BUB1B: variants seen among roughly 807,000 people sequenced by gnomAD.
BUB1B encodes the protein BUB1 mitotic checkpoint serine/threonine kinase B.
In BUB1B, 86 loss-of-function variants were observed where a neutral mutation model predicts 137.7. That is an observed-to-expected ratio of 0.62 (90% CI 0.52 to 0.75). BUB1B has a LOEUF of 0.75. BUB1B is among the 30% of genes least tolerant of loss of function. The pLI is 0.00. For missense variants in BUB1B, 1,130 were observed against 1,236.9 expected, an observed-to-expected ratio of 0.91 and a Z score of 1.30; for synonymous variants, 420 against 417.9, an observed-to-expected ratio of 1.00 and a Z score of -0.06.
At chr15:40,206,036 A>C in intron 14 of BUB1B, 148 bp from the exon 15 acceptor site, 1 of 751,836 alleles carries the variant, frequency 1.3e-6, no homozygotes, top group Admixed American at 2.6e-5. Context: ...TACTGTGTTC[A>C]TGATATAAAA....
At chr15:40,175,232 T>A (rs2037211475) in intron 4 of BUB1B, among the ~76,000 whole-genome samples, 1 of 152,164 alleles carries the variant, frequency 6.6e-6, no homozygotes, top group Non-Finnish European at 1.5e-5. Flanking sequence ...AAATTAGAAG[T>A]TGTTTAAATA....
At position 40,207,887 on chromosome 15, in the gene BUB1B, A is replaced by T. The variant is rs1487897710; in HGVS notation, c.2010-750A>T. Among the ~76,000 whole-genome samples, 10 of 151,758 alleles carry T rather than the reference A, an allele frequency of 6.6e-5. No homozygotes were observed. The East Asian group carries it at 2.0e-3, about 30-fold the overall frequency. ...CCTTGTGTCTAATAAAAATAAAAAAAAAAAATAGCTAGGCATGGTAGCACT... is the reference window on the plus strand; with the variant it reads ...CCTTGTGTCTAATAAAAATAAAAAATAAAAATAGCTAGGCATGGTAGCACT... On this transcript the variant is annotated intron_variant, in intron 15 of 22. Coordinates refer to ENST00000287598, the MANE Select transcript of BUB1B (RefSeq NM_001211.6).
intron 3 of BUB1B, 141 bp downstream of exon 3, chr15:40,170,262 A>C (rs1449847792): frequency 2.3e-6 from 2 of 854,416 alleles, no homozygotes; most frequent in Non-Finnish European, 1.9e-6. Context: ...GAATAATCAT[A>C]ATATATCTTC....
intron 18 of BUB1B, among the ~76,000 whole-genome samples, chr15:40,211,119 C>A (rs1381618309): frequency 6.6e-6 from 1 of 151,914 alleles, no homozygotes; most frequent in Non-Finnish European, 1.5e-5. Flanking sequence ...AACTTTTTTT[C>A]TCCTATATTC....
At chr15:40,170,000 G>T in intron 2 of BUB1B, 62 bp from the exon 3 acceptor site, 1 of 1,289,956 alleles carries the variant, frequency 7.8e-7, no homozygotes, top group South Asian at 1.2e-5. Context: ...AAATGGAAGT[G>T]ATACTTGTTC....
At chr15:40,190,889 T>A (rs2037428110) in intron 8 of BUB1B, among the ~76,000 whole-genome samples, 1 of 114,444 alleles carries the variant, frequency 8.7e-6, no homozygotes, top group Middle Eastern at 3.6e-3. Flanking sequence ...CGCCTTGTAA[T>A]TTTTTTTTTT....
At chr15:40,200,158 A>T in intron 10 of BUB1B, 86 bp from the exon 11 acceptor site, 1 of 893,126 alleles carries the variant, frequency 1.1e-6, no homozygotes, top group Non-Finnish European at 1.8e-6. Context: ...GTCTAGGGAA[A>T]GAGTACAGTA....
rs1325766936 is a variant in BUB1B, at chr15:40,208,750, A to G, written c.2123A>G (p.Glu708Gly). 6.2e-7 allele frequency: 1 copy of G among 1,613,012 alleles called. No homozygotes were observed. Among genetic ancestry groups the G allele is most frequent in the African/African-American group, 1.3e-5 (1 of 74,930 alleles). The change falls in exon 16 of 23, where the codon GAA becomes GGA. Residue 708 changes from glutamate to glycine, a missense_variant. By Grantham distance (98) the Glu-to-Gly change is moderately conservative. Coordinates refer to ENST00000287598, the MANE Select transcript of BUB1B (RefSeq NM_001211.6). ...TGTCTTCAAATTCCTGAGAAACTAGAACTTACTAATGAGACTTCAGGTAGG... is the reference window on the plus strand; with the variant it reads ...TGTCTTCAAATTCCTGAGAAACTAGGACTTACTAATGAGACTTCAGGTAGG... The part of the protein sequence containing the change: ...IKCLQIPEKL[E>G]LTNETSENPT...
chr15:40,199,770 A>G (rs2037542120), intron 10 of BUB1B, 43 bp downstream of exon 10: 1 of 1,366,248 alleles, frequency 7.3e-7, no homozygotes, highest in Non-Finnish European at 1.0e-6. Flanking sequence ...ATTTATTGAA[A>G]CAAATTTAAA....
intron 20 of BUB1B, among the ~76,000 whole-genome samples, chr15:40,215,572 A>G (rs2037767437): frequency 6.6e-6 from 1 of 152,072 alleles, no homozygotes; most frequent in African/African-American, 2.4e-5. Flanking sequence ...GATCAAGACC[A>G]TCCTGGCTAA....
At chr15:40,163,756 T>C (rs774825760) in intron 1 of BUB1B, among the ~76,000 whole-genome samples, 1 of 152,246 alleles carries the variant, frequency 6.6e-6, no homozygotes, top group Non-Finnish European at 1.5e-5. Flanking sequence ...GTGACGTTTT[T>C]GTGACCAGAA....
chr15:40,162,589 G>A (rs187948938), intron 1 of BUB1B, among the ~76,000 whole-genome samples: 2 of 152,304 alleles, frequency 1.3e-5, no homozygotes, highest in East Asian at 3.9e-4. Context: ...ATATTTTGAA[G>A]GTAGAACCAG....
chr15:40,170,900 G>A (rs902880038), intron 4 of BUB1B, among the ~76,000 whole-genome samples: 9 of 152,068 alleles, frequency 5.9e-5, no homozygotes, highest in Admixed American at 5.9e-4. Context: ...AAGATTGATC[G>A]CAAAGTCTGT....
chr15:40,213,224 C>G, intron 19 of BUB1B, 108 bp from the exon 20 acceptor site: 1 of 1,227,716 alleles, frequency 8.1e-7, no homozygotes, highest in Non-Finnish European at 1.2e-6. Context: ...TGCCTACGTT[C>G]CAGTAGAGAA....
chr15:40,178,060 T>A (rs1011782225), intron 5 of BUB1B, among the ~76,000 whole-genome samples: 3 of 151,506 alleles, frequency 2.0e-5, no homozygotes, highest in African/African-American at 7.3e-5. Context: ...TTTCTCTTAA[T>A]GATTTTCTGT....
chr15:40,206,665 A>G (rs749660699), intron 15 of BUB1B, among the ~76,000 whole-genome samples: 3 of 152,196 alleles, frequency 2.0e-5, no homozygotes, highest in African/African-American at 4.8e-5. Flanking sequence ...GTAAATTTTG[A>G]TGGTAGAGAA....
In BUB1B at chr15:40,170,657, AT is replaced by A. The variant is rs769118252; in HGVS notation, c.363del (p.Leu122SerfsTer7). ...AAAAACGATATTATAGTGATCCTCG[AT>A]TTCTCAATCTCTGGCTTAAATTAGT... ...GEKRYYSDPR[F>X]LNLWLKLGRL... On this transcript the variant is annotated frameshift_variant, in exon 4 of 23. Coordinates refer to ENST00000287598, the MANE Select transcript of BUB1B (RefSeq NM_001211.6). LOFTEE classifies it high-confidence loss of function. 6.2e-7 allele frequency: 1 copy of A among 1,613,784 alleles called. No homozygotes were observed. The highest frequency in any genetic ancestry group is 8.5e-7 in the Non-Finnish European group (1 of 1,179,810).
chr15:40,215,434 T>C (rs1189369943), intron 20 of BUB1B, among the ~76,000 whole-genome samples: 1 of 151,648 alleles, frequency 6.6e-6, no homozygotes, highest in African/African-American at 2.4e-5. Flanking sequence ...ATCGCACCAT[T>C]GTACTCCAGT....
intron 4 of BUB1B, among the ~76,000 whole-genome samples, chr15:40,171,431 C>T (rs1456882963): frequency 6.6e-6 from 1 of 152,048 alleles, no homozygotes; most frequent in Admixed American, 6.5e-5. Context: ...CCTGTAGTCC[C>T]AGCTACTCAG....
Sources: gnomAD v4.1 joint callset for allele counts (sites outside exome capture counted in the v4.1 genomes callset) on GRCh38, gnomAD v4.1.1 for gene constraint, MANE v1.5 for transcripts, NCBI Gene and HGNC (gene_info 2026-07-23, HGNC 2026-07-21) for gene names.